Variants in GRM5 observed in about 807,000 individuals in gnomAD.
GRM5 encodes the protein glutamate metabotropic receptor 5.
GRM5 carries 19 observed loss-of-function variants against 83.1 expected under a neutral mutation model. That is an observed-to-expected ratio of 0.23 (90% confidence interval 0.16 to 0.34). The LOEUF is 0.34. GRM5 is among the 10% of genes least tolerant of loss of function. The pLI, the probability that GRM5 is intolerant of heterozygous loss-of-function variation, is 1.00. For synonymous variants in GRM5, 675 were observed against 633.6 expected, an observed-to-expected ratio of 1.07 and a Z score of -0.98; for missense variants, 1,160 against 1,588.3, an observed-to-expected ratio of 0.73 and a Z score of 4.58.
chr11:88,525,409 T>G lies in GRM5; in HGVS notation c.2631-5A>C. The G allele has an allele frequency of 6.3e-7, 1 of 1,575,928 alleles. No homozygotes were observed. The highest frequency in any genetic ancestry group is 8.7e-7 in the Non-Finnish European group (1 of 1,145,972). ...GCCAGTCTCCTGTCTTTGTACCTGGTGAGCATGAACAAGGACAGGAGCAAA... is the reference window on the plus strand; with the variant it reads ...GCCAGTCTCCTGTCTTTGTACCTGGGGAGCATGAACAAGGACAGGAGCAAA... On this transcript the variant is annotated splice_region_variant and splice_polypyrimidine_tract_variant and intron_variant, in intron 8 of 9. Coordinates refer to ENST00000305447, the MANE Select transcript of GRM5 (RefSeq NM_001143831.3).
At chr11:88,569,758 A>G (rs184757002) in intron 7 of GRM5, among the ~76,000 whole-genome samples, 1 of 152,330 alleles carries the variant, frequency 6.6e-6, no homozygotes, top group Non-Finnish European at 1.5e-5. Flanking sequence ...GACTATGCAT[A>G]TCCACATCTT....
At chr11:88,820,819 A>C (rs1943776106) in intron 3 of GRM5, among the ~76,000 whole-genome samples, 2 of 152,232 alleles carry the variant, frequency 1.3e-5, no homozygotes, top group Non-Finnish European at 2.9e-5. Flanking sequence ...TGGATTCCTA[A>C]ACATATAATA....
At chr11:88,793,945 C>A (rs1435178120) in intron 3 of GRM5, among the ~76,000 whole-genome samples, 2 of 152,118 alleles carry the variant, frequency 1.3e-5, no homozygotes, top group South Asian at 2.1e-4. Context: ...CCTGTCTCAG[C>A]CTCCTGAGTA....
chr11:88,817,679 ACT>A (rs1943716282), intron 3 of GRM5, among the ~76,000 whole-genome samples: 1 of 152,128 alleles, frequency 6.6e-6, no homozygotes, highest in African/African-American at 2.4e-5. Context: ...ATATAATAAC[ACT>A]GAGTTATTTA....
At chr11:88,624,111 C>T (rs1431148213) in intron 4 of GRM5, among the ~76,000 whole-genome samples, 1 of 152,122 alleles carries the variant, frequency 6.6e-6, no homozygotes, top group African/African-American at 2.4e-5. Context: ...GTATGAAGGC[C>T]TATAGTCCAA....
chr11:88,523,939 C>G (rs1369447001), intron 9 of GRM5: 1 of 152,178 alleles, frequency 6.6e-6, no homozygotes, highest in African/African-American at 2.4e-5. Context: ...GCTCTGCTCT[C>G]AGCACATGGA....
chr11:89,021,717 T>G (rs546500867), intron 2 of GRM5, among the ~76,000 whole-genome samples: 1 of 152,356 alleles, frequency 6.6e-6, no homozygotes, highest in African/African-American at 2.4e-5. Flanking sequence ...AATTGAGCTT[T>G]AAACTCTAGA....
rs757637314 is a variant in GRM5, at chr11:88,508,876, G to A, written c.3355C>T (p.Pro1119Ser). Residue 1119 changes from proline (P) to serine (S), a missense_variant, in exon 10 of 10, where the codon CCG becomes TCG. Physicochemically the swap from Pro to Ser is moderately conservative, Grantham distance 74. Transcript: ENST00000305447. This position sits in a 1 kb window ranked among gnomAD's most constrained non-coding sequence, Gnocchi z 4.2. ...MTTFAEIQPL[P>S]AIEVTGGAQP... ...GCGCCTCCCGTGACTTCGATGGCCG[G>A]CAGAGGCTGGATTTCGGCAAAGGTC... 3.1e-6 allele frequency: 5 copies of A among 1,588,984 alleles called. No homozygotes were observed. The South Asian group carries it at 4.6e-5, about 15-fold the overall frequency.
intron 1 of GRM5, among the ~76,000 whole-genome samples, chr11:89,063,935 G>A (rs1187413433): frequency 1.3e-5 from 2 of 152,122 alleles, no homozygotes; most frequent in Non-Finnish European, 2.9e-5. Context: ...CTCAGCACCT[G>A]GGATACAAAT....
In GRM5 at chr11:88,803,054, G is replaced by T. The variant is rs531291904; in HGVS notation, c.911+46852C>A. Reference sequence around the variant, plus strand: ...TAAAAGAGGATACAAACAAATGGAAGAACATTCCATGCTCATGGGTAGGAA... The same window carrying T: ...TAAAAGAGGATACAAACAAATGGAATAACATTCCATGCTCATGGGTAGGAA... On this transcript the variant is annotated intron_variant, in intron 3 of 9. Coordinates refer to ENST00000305447, the MANE Select transcript of GRM5 (RefSeq NM_001143831.3). Among the ~76,000 whole-genome samples the T allele has an allele frequency of 5.4e-3, 736 of 137,314 alleles. 1 individual carries two copies. The highest frequency in any genetic ancestry group is 8.0e-3 in the Non-Finnish European group (530 of 66,248). 90.1% of individuals were successfully genotyped at this position (137,314 alleles called of 152,430 possible).
chr11:89,035,144 TATA>T (rs1424643135), intron 2 of GRM5, among the ~76,000 whole-genome samples: 6 of 151,588 alleles, frequency 4.0e-5, no homozygotes, highest in East Asian at 1.9e-4. Flanking sequence ...AACCAGAGAG[TATA>T]ATATTTCTGT....
intron 2 of GRM5, among the ~76,000 whole-genome samples, chr11:88,856,991 T>C (rs1455152206): frequency 6.6e-6 from 1 of 152,142 alleles, no homozygotes; most frequent in African/African-American, 2.4e-5. Context: ...TGTATGTGTA[T>C]AGATGATACT....
At position 88,942,678 on chromosome 11, in the gene GRM5, T is replaced by G. The variant is rs140614136; in HGVS notation, c.662-92523A>C. On this transcript the variant is annotated intron_variant, in intron 2 of 9. Transcript: ENST00000305447. The stretch of plus-strand genomic sequence containing the variant: ...TTAGTAAAGCATTTAAGAGCTTTCA[T>G]TTGATAATATAATGACCTAGATTTG... 1.6e-3 allele frequency among the ~76,000 whole-genome samples: 245 copies of G among 152,114 alleles called. 1 individual carries two copies. The highest frequency in any genetic ancestry group is 5.7e-3 in the African/African-American group (236 of 41,544).
intron 2 of GRM5, among the ~76,000 whole-genome samples, chr11:88,871,818 T>C (rs1944772640): frequency 6.6e-6 from 1 of 151,514 alleles, no homozygotes; most frequent in Non-Finnish European, 1.5e-5. Context: ...ACATAACTTA[T>C]TAAAGTTATT....
rs535312606 is a variant in GRM5, at chr11:88,980,441, A to C, written c.661+66771T>G. On this transcript the variant is annotated intron_variant, in intron 2 of 9. Coordinates refer to ENST00000305447, the MANE Select transcript of GRM5 (RefSeq NM_001143831.3). ...ATGTTGGTGAAATATCTAAAATCTA[A>C]GAAAGAGCTAAGAAATGCACTCCTA... Among the ~76,000 whole-genome samples the C allele has an allele frequency of 2.0e-5, 3 of 152,310 alleles. No individual in the cohort carries two copies. The East Asian group carries it at 5.8e-4, about 29-fold the overall frequency.
intron 1 of GRM5, among the ~76,000 whole-genome samples, chr11:89,063,170 C>T (rs1942030677): frequency 6.6e-6 from 1 of 152,252 alleles, no homozygotes; most frequent in Admixed American, 6.5e-5. Context: ...TGGGAGCACA[C>T]TCTGCATTCG....
intron 1 of GRM5, among the ~76,000 whole-genome samples, chr11:89,057,878 T>C (rs868262415): frequency 5.3e-5 from 8 of 152,270 alleles, no homozygotes; most frequent in African/African-American, 1.9e-4. Context: ...TAATGTATAA[T>C]AATTATTTAA....
At chr11:88,831,723 C>T (rs1462137766) in intron 3 of GRM5, among the ~76,000 whole-genome samples, 1 of 152,150 alleles carries the variant, frequency 6.6e-6, no homozygotes, top group Non-Finnish European at 1.5e-5. Context: ...TGTGGGCCAG[C>T]GATTGCAGCC....
In GRM5 at chr11:88,621,728, C is replaced by T. The variant is rs544201467; in HGVS notation, c.1148-16764G>A. Among the ~76,000 whole-genome samples, 14 of 152,142 alleles carry T rather than the reference C, an allele frequency of 9.2e-5. 1 individual carries two copies. The East Asian group carries it at 1.7e-3, about 19-fold the overall frequency. On this transcript the variant is annotated intron_variant, in intron 4 of 9. Transcript: ENST00000305447. ...ATAAGAGATGCAAAAAATTTAAGTTCGTTCAAGATTTTATTTCTAATTAAA... is the reference window on the plus strand; with the variant it reads ...ATAAGAGATGCAAAAAATTTAAGTTTGTTCAAGATTTTATTTCTAATTAAA...
Sources: allele counts gnomAD v4.1 joint callset (sites outside exome capture counted in the v4.1 genomes callset), GRCh38; gene constraint gnomAD v4.1.1; non-coding constraint Gnocchi (gnomAD v3.1); transcripts MANE v1.5; gene names NCBI Gene and HGNC (gene_info 2026-07-23, HGNC 2026-07-21).